Variants in SMYD3 observed in about 807,000 individuals in gnomAD.
SMYD3 encodes SET and MYND domain containing 3.
In SMYD3, 36 loss-of-function variants were observed where a neutral mutation model predicts 57.7. The observed-to-expected ratio is 0.62, with a 90% CI of 0.48 to 0.82. The LOEUF (loss-of-function observed/expected upper bound fraction) is 0.82, where lower values mean the gene tolerates loss of function less well. Among genes scored for constraint, SMYD3 ranks in the 40% least tolerant of loss-of-function variants. SMYD3 has a pLI of 0.00. For synonymous variants in SMYD3, 211 were observed against 195.0 expected, an observed-to-expected ratio of 1.08 and a Z score of -0.68; for missense variants, 515 against 538.8, an observed-to-expected ratio of 0.96 and a Z score of 0.44.
At chr1:245,825,438 T>C (rs2148357846) in intron 10 of SMYD3, among the ~76,000 whole-genome samples, 1 of 152,292 alleles carries the variant, frequency 6.6e-6, no homozygotes, top group South Asian at 2.1e-4. Context: ...GGGATGAGAT[T>C]GACAGGCGGC....
intron 5 of SMYD3, among the ~76,000 whole-genome samples, chr1:246,003,826 T>C (rs1206526855): frequency 6.6e-6 from 1 of 152,234 alleles, no homozygotes; most frequent in Non-Finnish European, 1.5e-5. Flanking sequence ...AGTTTTCCCA[T>C]GTGATTCTCT....
intron 5 of SMYD3, among the ~76,000 whole-genome samples, chr1:246,298,231 A>T (rs1393073702): frequency 6.6e-6 from 1 of 152,030 alleles, no homozygotes; most frequent in Non-Finnish European, 1.5e-5. Context: ...TGAGGTAAAA[A>T]AATAATAATA....
At chr1:245,958,598 A>G (rs1322945763) in intron 5 of SMYD3, among the ~76,000 whole-genome samples, 1 of 152,208 alleles carries the variant, frequency 6.6e-6, no homozygotes, top group Non-Finnish European at 1.5e-5. Context: ...CCTCCGTAGC[A>G]AAGTACATAC....
At chr1:246,082,310 T>C (rs1338890503) in intron 5 of SMYD3, among the ~76,000 whole-genome samples, 1 of 152,182 alleles carries the variant, frequency 6.6e-6, no homozygotes, top group Non-Finnish European at 1.5e-5. Flanking sequence ...ACTTCCTCAA[T>C]TGCTCCTACA....
At chr1:245,769,105 A>G (rs2817498) in intron 10 of SMYD3, among the ~76,000 whole-genome samples, 146,380 of 152,296 alleles carry the variant, frequency 0.96, 70,393 homozygotes, top group East Asian at 1. Context: ...GAATGATGAC[A>G]GAATTAGAAA....
chr1:246,403,350 T>C (rs2066804838), intron 1 of SMYD3, among the ~76,000 whole-genome samples: 1 of 151,958 alleles, frequency 6.6e-6, no homozygotes, highest in African/African-American at 2.4e-5. Flanking sequence ...AAAATTTAAT[T>C]AGCCAGAAAT....
chr1:245,965,420 T>C (rs1395327113), intron 5 of SMYD3, among the ~76,000 whole-genome samples: 3 of 152,170 alleles, frequency 2.0e-5, no homozygotes. Context: ...AATATGCTAA[T>C]AAAGGAGAGA....
intron 5 of SMYD3, among the ~76,000 whole-genome samples, chr1:246,198,818 G>A (rs889377402): frequency 3.9e-5 from 6 of 152,126 alleles, no homozygotes; most frequent in African/African-American, 7.2e-5. Context: ...TAATATAAAC[G>A]ATTAAGGGTA....
intron 10 of SMYD3, among the ~76,000 whole-genome samples, chr1:245,773,833 G>A (rs973141566): frequency 1.2e-4 from 18 of 152,178 alleles, no homozygotes; most frequent in African/African-American, 4.1e-4. Flanking sequence ...CTATCCTTGT[G>A]TGGGATAAAG....
intron 1 of SMYD3, among the ~76,000 whole-genome samples, chr1:246,363,059 C>A (rs1220321406): frequency 1.3e-5 from 2 of 151,122 alleles, no homozygotes; most frequent in Non-Finnish European, 3.0e-5. Context: ...ATGTGGGGAG[C>A]GCCTCTGCCC....
intron 5 of SMYD3, among the ~76,000 whole-genome samples, chr1:245,959,676 G>A (rs2057949628): frequency 1.3e-5 from 2 of 152,158 alleles, no homozygotes; most frequent in African/African-American, 4.8e-5. Context: ...TTATACCAGT[G>A]CTGTCTTCCC....
At chr1:246,070,950 T>C (rs1451013206) in intron 5 of SMYD3, among the ~76,000 whole-genome samples, 1 of 152,202 alleles carries the variant, frequency 6.6e-6, no homozygotes, top group African/African-American at 2.4e-5. Flanking sequence ...AAATTTTAAT[T>C]CTATTCTAGG....
At chr1:246,506,978 G>GCCCCCCCCACCCCCCCCCC in intron 1 of SMYD3, 76 bp downstream of exon 1, 4 of 1,174,508 alleles carry the variant, frequency 3.4e-6, no homozygotes, top group East Asian at 3.5e-5. Flanking sequence ...CGCGGCTGCC[G>GCCCCCCCCACCCCCCCCCC]GCCGCCCGAC....
At chr1:246,027,141 G>A (rs2059589344) in intron 5 of SMYD3, among the ~76,000 whole-genome samples, 1 of 152,202 alleles carries the variant, frequency 6.6e-6, no homozygotes, top group South Asian at 2.1e-4. Flanking sequence ...TATAAAGGCT[G>A]AGAGAGGTGA....
intron 10 of SMYD3, among the ~76,000 whole-genome samples, chr1:245,793,049 GC>G (rs2047346703): frequency 6.9e-6 from 1 of 145,568 alleles, no homozygotes; most frequent in African/African-American, 2.6e-5. Context: ...AGTGGCTCAT[GC>G]CTGTAATCCC....
At chr1:245,924,363 T>C (rs1365691194) in intron 7 of SMYD3, among the ~76,000 whole-genome samples, 4 of 152,090 alleles carry the variant, frequency 2.6e-5, no homozygotes, top group South Asian at 2.1e-4. Flanking sequence ...AGCATTACAA[T>C]GGAGAGCCTT....
rs74163421 is a variant in SMYD3, at chr1:246,245,120, C to CTTTTTTTTTTTT, written c.531+82069_531+82080dup. Among the ~76,000 whole-genome samples, 69 of 122,930 alleles carry CTTTTTTTTTTTT rather than the reference C, an allele frequency of 5.6e-4. 2 individuals carry two copies. The highest frequency in any genetic ancestry group is 1.0e-3 in the African/African-American group (34 of 32,612). The allele number at this position is 122,930 out of a possible 152,430, so 80.6% of individuals were successfully genotyped here. Reference sequence around the variant, plus strand: ...CCTAAAAGAATTCAGCAGCTACTGCCTTTTTTTTTTTTTTTTTTTTTAGTT... The same window carrying CTTTTTTTTTTTT: ...CCTAAAAGAATTCAGCAGCTACTGCCTTTTTTTTTTTTTTTTTTTTTTTTTTTTTTTTTAGTT... On this transcript the variant is annotated intron_variant, in intron 5 of 11. Transcript: ENST00000490107.
chr1:246,312,729 T>C (rs1183261254), intron 5 of SMYD3, among the ~76,000 whole-genome samples: 1 of 152,174 alleles, frequency 6.6e-6, no homozygotes, highest in Non-Finnish European at 1.5e-5. Context: ...AGTAAAGCCA[T>C]GGCAGCACCA....
chr1:246,130,891 T>C (rs1216669725), intron 5 of SMYD3, among the ~76,000 whole-genome samples: 1 of 152,156 alleles, frequency 6.6e-6, no homozygotes, highest in Non-Finnish European at 1.5e-5. Flanking sequence ...AGCTCTTTAC[T>C]TAATAGAGAA....
Sources: gnomAD v4.1 joint callset for allele counts (sites outside exome capture counted in the v4.1 genomes callset) on GRCh38, gnomAD v4.1.1 for gene constraint, MANE v1.5 for transcripts, NCBI Gene and HGNC (gene_info 2026-07-23, HGNC 2026-07-21) for gene names.